The following DLG2 variants were observed in gnomAD, a reference collection of about 807,000 sequenced individuals.
The protein encoded by DLG2 is disks large homolog 2.
DLG2 carries 45 observed loss-of-function variants against 132.5 expected under a neutral mutation model. That is an observed-to-expected ratio of 0.34 (90% confidence interval 0.27 to 0.44). The LOEUF is 0.44. DLG2 is among the 20% of genes least tolerant of loss of function. The pLI, the probability that DLG2 is intolerant of heterozygous loss-of-function variation, is 1.00. For synonymous variants in DLG2, 424 were observed against 419.6 expected (o/e 1.01, Z -0.13); for missense variants, 1,045 against 1,196.9 (o/e 0.87, Z 1.87).
intron 7 of DLG2, among the ~76,000 whole-genome samples, chr11:84,407,264 G>T (rs577632364): frequency 4.8e-4 from 70 of 146,976 alleles, no homozygotes; most frequent in Non-Finnish European, 9.1e-4. Context: ...TTTAATCTCT[G>T]CCCCGCCTAT....
intron 14 of DLG2, among the ~76,000 whole-genome samples, chr11:83,936,407 G>A (rs1283079129): frequency 6.6e-6 from 1 of 152,126 alleles, no homozygotes; most frequent in African/African-American, 2.4e-5. Flanking sequence ...ATTTGTACCT[G>A]GATCTTTATA....
At chr11:84,521,177 A>T (rs867127701) in intron 7 of DLG2, among the ~76,000 whole-genome samples, 1 of 152,220 alleles carries the variant, frequency 6.6e-6, no homozygotes, top group South Asian at 2.1e-4. Flanking sequence ...ATGAAGAGAG[A>T]GGTTGGTCTA....
chr11:83,529,059 T>C (rs1048560160), intron 21 of DLG2, among the ~76,000 whole-genome samples: 2 of 152,112 alleles, frequency 1.3e-5, no homozygotes, highest in Non-Finnish European at 2.9e-5. Flanking sequence ...TAATCTAAGC[T>C]CCTCCAGGGC....
chr11:84,931,685 A>G (rs1214263347), intron 6 of DLG2, among the ~76,000 whole-genome samples: 1 of 152,168 alleles, frequency 6.6e-6, no homozygotes, highest in Non-Finnish European at 1.5e-5. Flanking sequence ...AGGAAATGCC[A>G]CACTGTCTTC....
chr11:83,808,962 G>A (rs770397191), intron 17 of DLG2, among the ~76,000 whole-genome samples: 3 of 151,832 alleles, frequency 2.0e-5, no homozygotes, highest in South Asian at 2.1e-4. Flanking sequence ...TTTCCTCTGC[G>A]GCTGGGCTGT....
intron 5 of DLG2, among the ~76,000 whole-genome samples, chr11:85,118,924 G>A (rs184563327): frequency 5.9e-5 from 9 of 151,528 alleles, no homozygotes; most frequent in Admixed American, 5.9e-4. Context: ...ATGTCTAGGG[G>A]CCTGATATAT....
chr11:84,573,476 T>C (rs1018202084), intron 6 of DLG2, among the ~76,000 whole-genome samples: 1 of 152,026 alleles, frequency 6.6e-6, no homozygotes, highest in African/African-American at 2.4e-5. Flanking sequence ...TTGAAATAAA[T>C]AGGATACCAA....
At chr11:84,495,117 T>C (rs1440595520) in intron 7 of DLG2, among the ~76,000 whole-genome samples, 3 of 152,142 alleles carry the variant, frequency 2.0e-5, no homozygotes, top group African/African-American at 7.2e-5. Context: ...CATTTTTCAT[T>C]TGAATTACCA....
intron 6 of DLG2, among the ~76,000 whole-genome samples, chr11:84,945,876 T>C (rs560591416): frequency 6.6e-6 from 1 of 152,232 alleles, no homozygotes; most frequent in East Asian, 1.9e-4. Flanking sequence ...AAGAAGCCAC[T>C]TGGTGCTCTA....
chr11:84,107,987 A>G (rs994346631), intron 9 of DLG2, among the ~76,000 whole-genome samples: 1 of 152,178 alleles, frequency 6.6e-6, no homozygotes, highest in African/African-American at 2.4e-5. Flanking sequence ...AATCTTGAAC[A>G]GTGAAAGGGA....
At chr11:84,605,262 A>G (rs143476213) in intron 6 of DLG2, among the ~76,000 whole-genome samples, 266 of 152,022 alleles carry the variant, frequency 1.7e-3, no homozygotes, top group African/African-American at 6.2e-3. Context: ...GTATTTCTCA[A>G]TTGTTACCTT....
intron 6 of DLG2, among the ~76,000 whole-genome samples, chr11:84,643,876 C>T (rs2099671199): frequency 6.6e-6 from 1 of 152,168 alleles, no homozygotes; most frequent in Non-Finnish European, 1.5e-5. Flanking sequence ...TAAAGCCCTA[C>T]CATGTGTTGA....
At chr11:83,911,679 T>G (rs923333658) in intron 15 of DLG2, among the ~76,000 whole-genome samples, 1 of 152,112 alleles carries the variant, frequency 6.6e-6, no homozygotes, top group African/African-American at 2.4e-5. Context: ...ATGGAGTTAT[T>G]AAATCACTTT....
intron 20 of DLG2, among the ~76,000 whole-genome samples, chr11:83,537,601 G>C (rs2141289985): frequency 6.6e-6 from 1 of 152,028 alleles, no homozygotes; most frequent in East Asian, 1.9e-4. Flanking sequence ...GATCACCAGA[G>C]ATCAAGAGTT....
At chr11:83,770,616 T>C (rs964186578) in intron 18 of DLG2, among the ~76,000 whole-genome samples, 16 of 151,786 alleles carry the variant, frequency 1.1e-4, no homozygotes, top group African/African-American at 3.6e-4. Flanking sequence ...GTGCGCTTAT[T>C]TTTTTTTCTT....
At chr11:85,542,654 T>C (rs1178487856) in intron 3 of DLG2, among the ~76,000 whole-genome samples, 1 of 152,200 alleles carries the variant, frequency 6.6e-6, no homozygotes, top group East Asian at 1.9e-4. Flanking sequence ...AAAGGTCTCT[T>C]TTAGATCTTA....
chr11:84,131,987 A>G (rs1396455837), intron 9 of DLG2, among the ~76,000 whole-genome samples: 2 of 151,854 alleles, frequency 1.3e-5, no homozygotes, highest in Admixed American at 6.6e-5. Context: ...TTGAACACGT[A>G]CACACACAAA....
intron 7 of DLG2, among the ~76,000 whole-genome samples, chr11:84,319,981 T>G (rs1242169020): frequency 3.3e-5 from 5 of 152,166 alleles, no homozygotes. Flanking sequence ...AACAGATAAA[T>G]ATGTTCAACT....
intron 6 of DLG2, among the ~76,000 whole-genome samples, chr11:84,635,566 T>C (rs2099639235): frequency 1.3e-5 from 2 of 152,124 alleles, no homozygotes; most frequent in African/African-American, 4.8e-5. Flanking sequence ...CTTGTATATA[T>C]ATTTTCTTTC....
Sources: allele counts gnomAD v4.1 joint callset (sites outside exome capture counted in the v4.1 genomes callset), GRCh38; gene constraint gnomAD v4.1.1; transcripts MANE v1.5; gene names NCBI Gene and HGNC (gene_info 2026-07-23, HGNC 2026-07-21).